The following NCAPD2 variants were observed in gnomAD, a reference collection of about 807,000 sequenced individuals.
NCAPD2 encodes the protein condensin complex subunit 1.
A neutral mutation model predicts 164.5 loss-of-function variants in NCAPD2; 100 were observed. That is an observed-to-expected ratio of 0.61 (90% confidence interval 0.52 to 0.72). NCAPD2 has a LOEUF of 0.72. Among genes scored for constraint, NCAPD2 ranks in the 30% least tolerant of loss-of-function variants. The pLI is 0.00. For missense variants in NCAPD2, 1,560 were observed against 1,749.2 expected, an observed-to-expected ratio of 0.89 and a Z score of 1.93; for synonymous variants, 585 against 642.6, an observed-to-expected ratio of 0.91 and a Z score of 1.36.
At chr12:6,506,181 C>T (rs1946097265) in intron 2 of NCAPD2, among the ~76,000 whole-genome samples, 1 of 152,102 alleles carries the variant, frequency 6.6e-6, no homozygotes. Flanking sequence ...TGGTCTTGAG[C>T]TCCTGACCTC....
intron 2 of NCAPD2, among the ~76,000 whole-genome samples, chr12:6,506,202 C>A (rs963325228): frequency 1.3e-5 from 2 of 152,150 alleles, no homozygotes; most frequent in Admixed American, 6.5e-5. Flanking sequence ...AAGTGATCCT[C>A]CTGCCTCAGC....
intron 6 of NCAPD2, 144 bp downstream of exon 6, chr12:6,511,396 A>G: frequency 1.0e-6 from 1 of 984,696 alleles, no homozygotes; most frequent in Non-Finnish European, 1.5e-6. Flanking sequence ...GCAGTGGTTC[A>G]ATCTCGGCTC....
intron 2 of NCAPD2, 84 bp from the exon 3 acceptor site, chr12:6,509,633 T>C (rs1030539644): frequency 1.6e-6 from 2 of 1,229,024 alleles, no homozygotes; most frequent in African/African-American, 3.0e-5. Context: ...ATAAAAGCAA[T>C]AAACCTAGTT....
At chr12:6,518,076 A>G in intron 13 of NCAPD2, 117 bp downstream of exon 13, 1 of 965,818 alleles carries the variant, frequency 1.0e-6, no homozygotes, top group Non-Finnish European at 1.5e-6. Context: ...CCACCAGGTG[A>G]TGGTAGATGT....
chr12:6,516,702 G>A, intron 9 of NCAPD2, 126 bp from the exon 10 acceptor site: 1 of 908,580 alleles, frequency 1.1e-6, no homozygotes, highest in Admixed American at 2.6e-5. Context: ...GTCCTCTTTG[G>A]GATTCAGCTT....
Position 6,517,031 on chromosome 12 carries a change from C to G in NCAPD2, c.1185+6C>G, listed in dbSNP as rs1327413871. On this transcript the variant is annotated splice_donor_region_variant and intron_variant, in intron 10 of 31. Coordinates refer to ENST00000315579, the MANE Select transcript of NCAPD2 (RefSeq NM_014865.4). ...CCCGAATTGTCCAGCAGAAGGTAAC[C>G]AACTTCTATGTGGCAAAAACATATG... is the stretch of plus-strand genomic sequence containing the variant. 6.2e-7 allele frequency: 1 copy of G among 1,613,766 alleles called. No homozygotes were observed. Among genetic ancestry groups the G allele is most frequent in the Non-Finnish European group, 8.5e-7 (1 of 1,179,786 alleles).
chr12:6,522,861 T>A lies in NCAPD2; in HGVS notation c.1988T>A (p.Val663Asp), dbSNP rs1461406372. The A allele has an allele frequency of 6.2e-7, 1 of 1,614,160 alleles. No homozygotes were observed. The highest frequency in any genetic ancestry group is 1.3e-5 in the African/African-American group (1 of 75,048). ...VQEVIEFFVM[V>D]FQFGVPQALF... Reference sequence around the variant, plus strand: ...GAGGTGATTGAATTCTTTGTGATGGTCTTCCAATTTGGGGTACCCCAGGCC... The same window carrying A: ...GAGGTGATTGAATTCTTTGTGATGGACTTCCAATTTGGGGTACCCCAGGCC... The change falls in exon 16 of 32, where the codon GTC becomes GAC. Residue 663 changes from valine (V) to aspartate (D), a missense_variant. Physicochemically the swap from Val to Asp is radical, Grantham distance 152 (BLOSUM62 -3). Coordinates refer to ENST00000315579, the MANE Select transcript of NCAPD2 (RefSeq NM_014865.4).
At chr12:6,513,585 C>T (rs573792399) in intron 6 of NCAPD2, among the ~76,000 whole-genome samples, 3 of 151,800 alleles carry the variant, frequency 2.0e-5, no homozygotes, top group East Asian at 1.9e-4. Flanking sequence ...GTCCTGGAAG[C>T]GAGATAAAGC....
intron 2 of NCAPD2, among the ~76,000 whole-genome samples, chr12:6,508,856 C>T (rs1946120686): frequency 6.6e-6 from 1 of 152,164 alleles, no homozygotes. Context: ...AGGACCAACC[C>T]TCCCTTCTGC....
chr12:6,504,220 T>TATATATATACAC (rs1565539620), intron 2 of NCAPD2, among the ~76,000 whole-genome samples: 2 of 25,356 alleles, frequency 7.9e-5, no homozygotes, highest in South Asian at 1.8e-3. Flanking sequence ...TATATATAGA[T>TATATATATACAC]ATAGATATAT....
intron 21 of NCAPD2, 135 bp from the exon 22 acceptor site, chr12:6,526,756 T>C (rs1324472982): frequency 7.1e-7 from 1 of 1,416,422 alleles, no homozygotes; most frequent in Non-Finnish European, 9.6e-7. Flanking sequence ...TTGGGCCAGT[T>C]CCCACCCCCA....
Position 6,510,390 on chromosome 12 carries a change from A to T in NCAPD2, c.263-239A>T, listed in dbSNP as rs752126287. Reference sequence around the variant, plus strand: ...CCTACTTTTGAGCTACCTCTTTTTAATAGGGGTGATTCTTCCAGTTGCTGG... The same window carrying T: ...CCTACTTTTGAGCTACCTCTTTTTATTAGGGGTGATTCTTCCAGTTGCTGG... On this transcript the variant is annotated intron_variant, in intron 4 of 31. Transcript: ENST00000315579. 6.4e-6 allele frequency: 5 copies of T among 779,706 alleles called. No individual in the cohort carries two copies. In the South Asian group the frequency reaches 6.8e-5, roughly 11 times the overall value. 48.3% of individuals were successfully genotyped at this position (779,706 alleles called of 1,614,324 possible). A position where few individuals can be genotyped will look rare whatever the true frequency, so the allele number is the denominator to read the frequency against.
chr12:6,522,087 T>A, intron 15 of NCAPD2, 50 bp downstream of exon 15: 2 of 1,563,428 alleles, frequency 1.3e-6, no homozygotes, highest in Non-Finnish European at 1.7e-6. Context: ...TCTTTTGGAT[T>A]TTTTAATTTT....
intron 9 of NCAPD2, among the ~76,000 whole-genome samples, chr12:6,515,351 A>AT (rs1272738088): frequency 4.0e-5 from 6 of 151,892 alleles, no homozygotes; most frequent in African/African-American, 1.5e-4. Context: ...TGCCTGGCTA[A>AT]TTTTTTTAGT....
At chr12:6,515,413 G>A (rs1946189937) in intron 9 of NCAPD2, among the ~76,000 whole-genome samples, 2 of 152,162 alleles carry the variant, frequency 1.3e-5, no homozygotes, top group South Asian at 4.2e-4. Flanking sequence ...TCAAACTCCT[G>A]GTCTCAAGCA....
At chr12:6,520,832 C>A in intron 13 of NCAPD2, 154 bp from the exon 14 acceptor site, 1 of 881,740 alleles carries the variant, frequency 1.1e-6, no homozygotes, top group South Asian at 1.8e-5. Context: ...GAGCCCTACC[C>A]CTTAGTAGGT....
chr12:6,519,047 G>A (rs909895151), intron 13 of NCAPD2, among the ~76,000 whole-genome samples: 17 of 151,728 alleles, frequency 1.1e-4, no homozygotes, highest in African/African-American at 3.4e-4. Context: ...CACCACGCCC[G>A]GCTAATTTTT....
chr12:6,498,020 C>T (rs941515655), intron 2 of NCAPD2, among the ~76,000 whole-genome samples: 7 of 151,908 alleles, frequency 4.6e-5, no homozygotes, highest in African/African-American at 1.2e-4. Context: ...TGCAACCTCT[C>T]GGGCTCAGCC....
At chr12:6,512,287 A>T (rs1159571081) in intron 6 of NCAPD2, among the ~76,000 whole-genome samples, 1 of 150,284 alleles carries the variant, frequency 6.7e-6, no homozygotes, top group African/African-American at 2.5e-5. Flanking sequence ...AAAAAAAAAA[A>T]AAAAAAGATA....
Sources: gnomAD v4.1 joint callset for allele counts (sites outside exome capture counted in the v4.1 genomes callset) on GRCh38, gnomAD v4.1.1 for gene constraint, MANE v1.5 for transcripts, NCBI Gene and HGNC (gene_info 2026-07-23, HGNC 2026-07-21) for gene names.